Variants in TOX3 observed in about 807,000 individuals in gnomAD.
TOX3 encodes CAG trinucleotide repeat-containing gene F9 protein.
In TOX3, 22 loss-of-function variants were observed where a neutral mutation model predicts 64.3. That is an observed-to-expected ratio of 0.34 (90% CI 0.24 to 0.49). TOX3 has a LOEUF of 0.49. Among genes scored for constraint, TOX3 ranks in the 20% least tolerant of loss-of-function variants. The pLI is 0.99. For synonymous variants in TOX3, 291 were observed against 273.6 expected (o/e 1.06, Z -0.63); for missense variants, 661 against 714.4 (o/e 0.93, Z 0.85).
At chr16:52,540,282 A>C (rs1469596251) in intron 1 of TOX3, among the ~76,000 whole-genome samples, 3 of 147,010 alleles carry the variant, frequency 2.0e-5, no homozygotes, top group African/African-American at 5.0e-5. Context: ...GCTACTCAGG[A>C]GGCCTGAGTA....
intron 1 of TOX3, among the ~76,000 whole-genome samples, chr16:52,509,931 T>G (rs1397184337): frequency 6.6e-6 from 1 of 152,038 alleles, no homozygotes; most frequent in East Asian, 1.9e-4. Context: ...TAATGGCAAG[T>G]CATGGTATTC....
At chr16:52,450,656 G>C in intron 3 of TOX3, 110 bp from the exon 4 acceptor site, 1 of 1,356,602 alleles carries the variant, frequency 7.4e-7, no homozygotes, top group Non-Finnish European at 1.0e-6. Flanking sequence ...ATGTTGATAG[G>C]TCTGACCTAT....
Position 52,461,848 on chromosome 16 carries a change from A to C in TOX3, c.408+2086T>G, listed in dbSNP as rs147988020. Among the ~76,000 whole-genome samples, 782 of 152,232 alleles carry C rather than the reference A, an allele frequency of 5.1e-3. 11 individuals carry two copies. Among genetic ancestry groups the C allele is most frequent in the African/African-American group, 0.018 (733 of 41,562 alleles). ...CAGCCAACTCAGTACCCGCAGAGAG[A>C]TATAGAAGAACCCTGACATAACCAA... On this transcript the variant is annotated intron_variant, in intron 3 of 6. Transcript: ENST00000219746.
At chr16:52,443,632 G>A (rs948204061) in intron 6 of TOX3, among the ~76,000 whole-genome samples, 24 of 152,092 alleles carry the variant, frequency 1.6e-4, no homozygotes, top group African/African-American at 5.8e-4. Flanking sequence ...ATCTAGAAAG[G>A]CAAGAGAAAA....
At chr16:52,480,172 G>A (rs28720857) in intron 1 of TOX3, among the ~76,000 whole-genome samples, 3,489 of 152,288 alleles carry the variant, frequency 0.023, 117 homozygotes, top group African/African-American at 0.079. Context: ...CAACCCCAGG[G>A]AGGCTTGCAC....
At chr16:52,509,170 C>T (rs1364202397) in intron 1 of TOX3, among the ~76,000 whole-genome samples, 2 of 152,130 alleles carry the variant, frequency 1.3e-5, no homozygotes, top group Non-Finnish European at 2.9e-5. Flanking sequence ...TTATATATAG[C>T]TTCATCATTG....
chr16:52,546,491 G>C (rs1963190843), intron 1 of TOX3, 146 bp downstream of exon 1: 1 of 726,538 alleles, frequency 1.4e-6, no homozygotes, highest in South Asian at 2.1e-5. Context: ...GGGGAGAGCT[G>C]GACAGAGACG....
rs181975571 is a variant in TOX3 at position 52,436,958 on chromosome 16, C to A, written c.*2267G>T. On this transcript the variant is annotated 3_prime_UTR_variant, in exon 7 of 7. Transcript: ENST00000219746. ...AGACATCTGTCTAAAGGTTTCACAA[C>A]AGAATATAAAATGGTTATTGTTATG... 1.6e-4 allele frequency: 24 copies of A among 152,312 alleles called. No individual in the cohort carries two copies. Among genetic ancestry groups the A allele is most frequent in the Non-Finnish European group, 2.6e-4 (18 of 68,004 alleles). The allele number at this position is 152,312 out of a possible 1,614,324, so 9.4% of individuals were successfully genotyped here. A position where few individuals can be genotyped will look rare whatever the true frequency, so the allele number is the denominator to read the frequency against.
chr16:52,446,895 C>T (rs1178301013), intron 4 of TOX3, among the ~76,000 whole-genome samples: 1 of 151,894 alleles, frequency 6.6e-6, no homozygotes, highest in African/African-American at 2.4e-5. Flanking sequence ...TGATACTCTC[C>T]GTAAAATTAA....
chr16:52,546,128 T>G (rs1017856077), intron 1 of TOX3, among the ~76,000 whole-genome samples: 1 of 151,918 alleles, frequency 6.6e-6, no homozygotes, highest in African/African-American at 2.4e-5. Context: ...CCCACTCCCC[T>G]GTCCAGGCAT....
intron 1 of TOX3, among the ~76,000 whole-genome samples, chr16:52,500,961 A>C (rs933668433): frequency 1.3e-5 from 2 of 152,222 alleles, no homozygotes; most frequent in Non-Finnish European, 2.9e-5. Flanking sequence ...TTAAGTGCTA[A>C]ATAAGTAGTC....
intron 1 of TOX3, among the ~76,000 whole-genome samples, chr16:52,475,189 A>C (rs1057202297): frequency 1.3e-5 from 2 of 152,192 alleles, no homozygotes; most frequent in Admixed American, 6.5e-5. Context: ...CTCCCACTAG[A>C]ATATAAATTC....
At chr16:52,516,929 C>T (rs9939775) in intron 1 of TOX3, among the ~76,000 whole-genome samples, 1 of 152,106 alleles carries the variant, frequency 6.6e-6, no homozygotes, top group Non-Finnish European at 1.5e-5. Flanking sequence ...ACCAAAAAAA[C>T]CAAAACTCTG....
intron 1 of TOX3, among the ~76,000 whole-genome samples, chr16:52,474,194 T>C (rs1961138104): frequency 6.6e-6 from 1 of 152,172 alleles, no homozygotes; most frequent in South Asian, 2.1e-4. Flanking sequence ...ATCCTCTCTC[T>C]CTGTCTCCCT....
intron 3 of TOX3, among the ~76,000 whole-genome samples, chr16:52,462,593 A>G (rs912952533): frequency 6.6e-6 from 1 of 152,160 alleles, no homozygotes; most frequent in Non-Finnish European, 1.5e-5. Context: ...CTCTCTGAGC[A>G]TCTATGAATG....
At chr16:52,442,625 T>A (rs1169653978) in intron 6 of TOX3, among the ~76,000 whole-genome samples, 1 of 152,216 alleles carries the variant, frequency 6.6e-6, no homozygotes, top group African/African-American at 2.4e-5. Flanking sequence ...ATAATCACTG[T>A]ACAATTCAAT....
intron 1 of TOX3, among the ~76,000 whole-genome samples, chr16:52,528,144 T>C (rs1962764219): frequency 6.6e-6 from 1 of 152,212 alleles, no homozygotes; most frequent in African/African-American, 2.4e-5. Context: ...TCCCAGAGTC[T>C]ATGTTCAGCA....
At chr16:52,498,191 C>T (rs568652340) in intron 1 of TOX3, among the ~76,000 whole-genome samples, 2 of 152,244 alleles carry the variant, frequency 1.3e-5, no homozygotes, top group South Asian at 2.1e-4. Context: ...ATCATGTCAT[C>T]AACCAAAAGG....
At chr16:52,494,781 A>T (rs1395856327) in intron 1 of TOX3, among the ~76,000 whole-genome samples, 6 of 152,212 alleles carry the variant, frequency 3.9e-5, no homozygotes, top group Admixed American at 3.3e-4. Flanking sequence ...TCAGATGCAA[A>T]ATTATTTCAC....
Sources: allele counts gnomAD v4.1 joint callset (sites outside exome capture counted in the v4.1 genomes callset), GRCh38; gene constraint gnomAD v4.1.1; transcripts MANE v1.5; gene names NCBI Gene and HGNC (gene_info 2026-07-23, HGNC 2026-07-21).